Variants in VPS13B observed in about 807,000 individuals in gnomAD.
VPS13B encodes intermembrane lipid transfer protein VPS13B.
A neutral mutation model predicts 426.4 loss-of-function variants in VPS13B; 285 were observed. That is an observed-to-expected ratio of 0.67 (90% CI 0.61 to 0.74). The LOEUF (loss-of-function observed/expected upper bound fraction) is 0.74, where lower values mean the gene tolerates loss of function less well. Ranked by LOEUF, VPS13B falls within the 30% of genes least tolerant of loss-of-function variation. VPS13B has a pLI of 0.00. For missense variants in VPS13B, 4,537 were observed against 4,782.6 expected (o/e 0.95, Z 1.51); for synonymous variants, 1,676 against 1,676.4 (o/e 1.00, Z 0.01).
At chr8:99,221,237 C>T (rs1178430864) in intron 17 of VPS13B, among the ~76,000 whole-genome samples, 3 of 143,512 alleles carry the variant, frequency 2.1e-5, no homozygotes, top group Non-Finnish European at 4.5e-5. Flanking sequence ...TGAATAGTGC[C>T]GCAATAAACA....
Position 99,870,841 on chromosome 8 carries a change from G to GA in VPS13B, c.11450dup (p.Asp3817GlufsTer5). The GA allele has an allele frequency of 6.2e-7, 1 of 1,614,170 alleles. No individual in the cohort carries two copies. Among genetic ancestry groups the GA allele is most frequent in the South Asian group, 1.1e-5 (1 of 91,078 alleles). Reference sequence around the variant, plus strand: ...TCCCAAACAGCGCCATCAGCCAAGTGATCTACATGCTGACCAGGCTCCAAA... The same window carrying GA: ...TCCCAAACAGCGCCATCAGCCAAGTGAATCTACATGCTGACCAGGCTCCAAA... On this transcript the variant is annotated frameshift_variant, in exon 60 of 62. Transcript: ENST00000357162. LOFTEE classifies it high-confidence loss of function.
chr8:99,827,689 A>T (rs1814778933), intron 51 of VPS13B, among the ~76,000 whole-genome samples: 1 of 151,838 alleles, frequency 6.6e-6, no homozygotes, highest in Non-Finnish European at 1.5e-5. Context: ...TGTCAATTTT[A>T]GGTCTTTTCC....
chr8:99,168,648 TCAGAA>T lies in VPS13B; in HGVS notation c.2209-1387_2209-1383del, dbSNP rs1223863645. 2.6e-5 allele frequency among the ~76,000 whole-genome samples: 4 copies of T among 152,128 alleles called. No homozygotes were observed. In the East Asian group the frequency reaches 5.8e-4, roughly 22 times the overall value. On this transcript the variant is annotated intron_variant, in intron 15 of 61. Coordinates refer to ENST00000357162, the MANE Select transcript of VPS13B (RefSeq NM_152564.5). ...CGCAGTACTTTGCATACATTATTGC[TCAGAA>T]CAGGTCTTCAAAAAGAATGAATGTG...
In VPS13B at chr8:99,476,394, A is replaced by G. The variant is rs201620194; in HGVS notation, c.3667-5205A>G. On this transcript the variant is annotated intron_variant, in intron 24 of 61. Transcript: ENST00000357162. Reference sequence around the variant, plus strand: ...TCTCTTTGGATGCTTTCAAAATTCCAAAGGATGGCTTGATTTTTTTTTTTT... The same window carrying G: ...TCTCTTTGGATGCTTTCAAAATTCCGAAGGATGGCTTGATTTTTTTTTTTT... Among the ~76,000 whole-genome samples the G allele has an allele frequency of 1.4e-4, 21 of 149,952 alleles. No individual in the cohort carries two copies. In the East Asian group the frequency reaches 3.4e-3, roughly 24 times the overall value.
At chr8:99,425,377 G>T (rs1269997209) in intron 21 of VPS13B, among the ~76,000 whole-genome samples, 1 of 152,078 alleles carries the variant, frequency 6.6e-6, no homozygotes, top group Non-Finnish European at 1.5e-5. Flanking sequence ...ATGATCAAGT[G>T]GGCTTCATCC....
chr8:99,699,871 G>C lies in VPS13B; in HGVS notation c.6393G>C (p.Leu2131=). Residue 2131 remains leucine, a synonymous_variant, in exon 36 of 62, where the codon CTG becomes CTC. Transcript: ENST00000357162. Reference sequence around the variant, plus strand: ...TACCCCATACCAGCAAACCATGCCTGTTAGCATCTCTCTCAAACCTCAATG... The same window carrying C: ...TACCCCATACCAGCAAACCATGCCTCTTAGCATCTCTCTCAAACCTCAATG... ...ETVPHTSKPC[L]LASLSNLNGS... 1 of 1,613,808 alleles carries C rather than the reference G, an allele frequency of 6.2e-7. No homozygotes were observed.
intron 33 of VPS13B, among the ~76,000 whole-genome samples, chr8:99,623,687 A>G (rs4735627): frequency 0.19 from 28,974 of 152,014 alleles, 3,329 homozygotes; most frequent in East Asian, 0.45. Context: ...TACAGATAGA[A>G]GTGGTAGAAG....
intron 33 of VPS13B, among the ~76,000 whole-genome samples, chr8:99,580,763 G>T (rs1481157513): frequency 2.0e-5 from 3 of 151,806 alleles, no homozygotes; most frequent in African/African-American, 7.3e-5. Flanking sequence ...GAGGTGGGAG[G>T]ATCACTTGAG....
chr8:99,839,852 A>G (rs187413752), intron 54 of VPS13B, among the ~76,000 whole-genome samples: 1 of 152,352 alleles, frequency 6.6e-6, no homozygotes, highest in Non-Finnish European at 1.5e-5. Context: ...TTCTTCTTGT[A>G]TCAATCTGAA....
intron 35 of VPS13B, among the ~76,000 whole-genome samples, chr8:99,680,070 A>C (rs1314009108): frequency 5.3e-5 from 8 of 152,158 alleles, no homozygotes; most frequent in Non-Finnish European, 1.0e-4. Flanking sequence ...TGTCTAAAAA[A>C]TTTTTTATCT....
chr8:99,532,600 G>A (rs1334665451), intron 30 of VPS13B, among the ~76,000 whole-genome samples: 1 of 151,782 alleles, frequency 6.6e-6, no homozygotes, highest in Admixed American at 6.6e-5. Context: ...CTTTTTTTGT[G>A]AGCAACTTTT....
intron 40 of VPS13B, among the ~76,000 whole-genome samples, chr8:99,772,707 A>G (rs117341765): frequency 0.012 from 1,824 of 152,320 alleles, 14 homozygotes; most frequent in Non-Finnish European, 0.018. Context: ...ATATGTGTAT[A>G]CTGGATTACA....
In VPS13B at chr8:99,121,159, CTTAATT is replaced by C. The variant is rs1563552344; in HGVS notation, c.938-11_938-6del. On this transcript the variant is annotated splice_polypyrimidine_tract_variant and intron_variant, in intron 7 of 61. Transcript: ENST00000357162. ...AATCCTTTTGACTTATTTAAAATGA[CTTAATT>C]TTAATTGATAGGTTCTGAAGATGAA... is the stretch of plus-strand genomic sequence containing the variant. The C allele has an allele frequency of 6.2e-7, 1 of 1,605,886 alleles. No individual in the cohort carries two copies. The highest frequency in any genetic ancestry group is 8.5e-7 in the Non-Finnish European group (1 of 1,175,792).
intron 2 of VPS13B, among the ~76,000 whole-genome samples, chr8:99,028,696 G>A (rs1362553074): frequency 7.1e-6 from 1 of 141,012 alleles, no homozygotes; most frequent in Non-Finnish European, 1.6e-5. Context: ...CCTCCCGGAC[G>A]GGGCGGCTGG....
chr8:99,784,470 C>G lies in VPS13B; in HGVS notation c.7935C>G (p.Ser2645=). 1.2e-6 allele frequency: 2 copies of G among 1,613,552 alleles called. No individual in the cohort carries two copies. Among genetic ancestry groups the G allele is most frequent in the Non-Finnish European group, 1.7e-6 (2 of 1,179,616 alleles). The change falls in exon 43 of 62, where the codon TCC becomes TCG. Residue 2645 remains serine (S), a synonymous_variant. Coordinates refer to ENST00000357162, the MANE Select transcript of VPS13B (RefSeq NM_152564.5). Reference sequence around the variant, plus strand: ...AGTACAGCTGGCGCTCTCACAAATCCCCACAGGTATTTGAGAAACACCCTT... The same window carrying G: ...AGTACAGCTGGCGCTCTCACAAATCGCCACAGGTATTTGAGAAACACCCTT... The part of the protein sequence containing the change: ...SHQYSWRSHK[S]PQLLHICIEG...
At chr8:99,262,628 T>TTG (rs1412652840) in intron 17 of VPS13B, among the ~76,000 whole-genome samples, 1 of 152,236 alleles carries the variant, frequency 6.6e-6, no homozygotes, top group Non-Finnish European at 1.5e-5. Context: ...TTGGAAGCTC[T>TTG]TGACTATCTC....
Position 99,270,540 on chromosome 8 carries a change from G to C in VPS13B, c.2516-3658G>C, listed in dbSNP as rs375918840. Among the ~76,000 whole-genome samples, 3 of 152,126 alleles carry C rather than the reference G, an allele frequency of 2.0e-5. No homozygotes were observed. In the South Asian group the frequency reaches 6.2e-4, roughly 32 times the overall value. ...TACTTATTATTTATGATTCAAGGTA[G>C]AGTATTAAGTTTTGGAAACTGTAAA... On this transcript the variant is annotated intron_variant, in intron 17 of 61. Transcript: ENST00000357162.
chr8:99,411,522 C>T (rs1467452945), intron 21 of VPS13B, among the ~76,000 whole-genome samples: 1 of 152,174 alleles, frequency 6.6e-6, no homozygotes, highest in East Asian at 1.9e-4. Context: ...TGCCTGTTCA[C>T]TCCGATGATA....
chr8:99,170,491 A>G (rs1324813008), intron 16 of VPS13B, among the ~76,000 whole-genome samples: 2 of 151,936 alleles, frequency 1.3e-5, no homozygotes, highest in Non-Finnish European at 2.9e-5. Flanking sequence ...AAGATTTTAA[A>G]AAGTTATAAA....
Sources: allele counts gnomAD v4.1 joint callset (sites outside exome capture counted in the v4.1 genomes callset), GRCh38; gene constraint gnomAD v4.1.1; transcripts MANE v1.5; gene names NCBI Gene and HGNC (gene_info 2026-07-23, HGNC 2026-07-21).